Variants in CNTNAP2 observed in about 807,000 individuals in gnomAD.
CNTNAP2 encodes contactin-associated protein-like 2.
In CNTNAP2, 98 loss-of-function variants were observed where a neutral mutation model predicts 155.2. The ratio of observed to expected loss-of-function variants is 0.63; its 90% CI spans 0.54 to 0.75. The LOEUF (loss-of-function observed/expected upper bound fraction) is 0.75. Among genes scored for constraint, CNTNAP2 ranks in the 30% least tolerant of loss-of-function variants. The probability of loss-of-function intolerance (pLI) is 0.00; values close to 1 mark genes in which losing one functional copy is unlikely to be tolerated. For missense variants in CNTNAP2, 1,727 were observed against 1,688.1 expected (o/e 1.02, Z -0.40); for synonymous variants, 651 against 631.2 (o/e 1.03, Z -0.47).
At chr7:148,413,965 G>C (rs1799914956) in intron 23 of CNTNAP2, among the ~76,000 whole-genome samples, 1 of 151,888 alleles carries the variant, frequency 6.6e-6, no homozygotes, top group Non-Finnish European at 1.5e-5. Flanking sequence ...TCATATAGTA[G>C]GCATCTTTTT....
At chr7:146,321,911 T>A (rs1198066977) in intron 1 of CNTNAP2, among the ~76,000 whole-genome samples, 8 of 152,164 alleles carry the variant, frequency 5.3e-5, no homozygotes, top group Admixed American at 4.6e-4. Context: ...CAATTTTACA[T>A]GAGATCTGAA....
chr7:146,444,960 A>G (rs1718096), intron 1 of CNTNAP2, among the ~76,000 whole-genome samples: 5,408 of 152,036 alleles, frequency 0.036, 342 homozygotes, highest in African/African-American at 0.12. Flanking sequence ...CGAGACACAT[A>G]AGCCACCACG....
chr7:147,457,819 A>G (rs987366851), intron 10 of CNTNAP2, among the ~76,000 whole-genome samples: 2 of 140,348 alleles, frequency 1.4e-5, no homozygotes, highest in Non-Finnish European at 3.0e-5. Flanking sequence ...TCTATGCTAC[A>G]TAGTTTATTT....
intron 15 of CNTNAP2, among the ~76,000 whole-genome samples, chr7:148,035,131 C>T (rs1299661656): frequency 6.6e-6 from 1 of 152,152 alleles, no homozygotes; most frequent in African/African-American, 2.4e-5. Context: ...AAAGACAGAA[C>T]TTATAATTAA....
chr7:148,080,923 T>A (rs1457132375), intron 15 of CNTNAP2, among the ~76,000 whole-genome samples: 1 of 152,120 alleles, frequency 6.6e-6, no homozygotes, highest in Non-Finnish European at 1.5e-5. Context: ...CACAAAAATA[T>A]GTATGTGGAT....
intron 1 of CNTNAP2, among the ~76,000 whole-genome samples, chr7:146,684,198 A>G (rs750612921): frequency 6.6e-6 from 1 of 152,166 alleles, no homozygotes; most frequent in Non-Finnish European, 1.5e-5. Context: ...TTTGATTCCC[A>G]GAAGTGGAGA....
intron 1 of CNTNAP2, among the ~76,000 whole-genome samples, chr7:146,605,170 A>T (rs1219826008): frequency 6.6e-6 from 1 of 150,950 alleles, no homozygotes; most frequent in Non-Finnish European, 1.5e-5. Flanking sequence ...TCCTTTCTAA[A>T]CTGAAAGTTC....
At chr7:148,295,473 G>A (rs752315010) in intron 21 of CNTNAP2, among the ~76,000 whole-genome samples, 3 of 151,634 alleles carry the variant, frequency 2.0e-5, no homozygotes, top group Non-Finnish European at 4.4e-5. Flanking sequence ...CACTCATAAT[G>A]ATAGAGTGAA....
chr7:146,851,293 A>G (rs1051126519), intron 3 of CNTNAP2, among the ~76,000 whole-genome samples: 9 of 152,026 alleles, frequency 5.9e-5, no homozygotes, highest in Non-Finnish European at 1.3e-4. Context: ...GCTTTTTTCT[A>G]ATTTTCAATA....
At chr7:146,418,812 G>T (rs896995432) in intron 1 of CNTNAP2, among the ~76,000 whole-genome samples, 22 of 152,018 alleles carry the variant, frequency 1.4e-4, no homozygotes, top group African/African-American at 5.1e-4. Flanking sequence ...GGTCATTAGG[G>T]TTAATCCTAA....
intron 9 of CNTNAP2, among the ~76,000 whole-genome samples, chr7:147,334,581 A>C (rs1795633700): frequency 6.6e-6 from 1 of 152,196 alleles, no homozygotes; most frequent in Admixed American, 6.5e-5. Context: ...TTTTGGAGAC[A>C]AGACTAGAAG....
At chr7:146,556,068 C>T (rs1015659078) in intron 1 of CNTNAP2, among the ~76,000 whole-genome samples, 7 of 152,106 alleles carry the variant, frequency 4.6e-5, no homozygotes, top group East Asian at 1.9e-4. Context: ...TTATCAGCAA[C>T]GTTTATTGGA....
Position 146,409,918 on chromosome 7 carries a change from T to A in CNTNAP2, c.97+292945T>A, listed in dbSNP as rs571221869. 5.1e-4 allele frequency among the ~76,000 whole-genome samples: 77 copies of A among 152,312 alleles called. No homozygotes were observed. The Middle Eastern group carries it at 0.01, about 20-fold the overall frequency. On this transcript the variant is annotated intron_variant, in intron 1 of 23. Transcript: ENST00000361727. ...TATGAAAGCAGGGCAGTGGGGTGGA[T>A]GCAATGACTTTCAAGGTCCTTCTGA...
intron 1 of CNTNAP2, among the ~76,000 whole-genome samples, chr7:146,548,217 AT>A (rs1405089424): frequency 4.0e-5 from 6 of 151,800 alleles, no homozygotes; most frequent in Non-Finnish European, 7.4e-5. Context: ...AACATGTGGT[AT>A]TTGGTTTTCC....
chr7:146,133,228 T>C (rs544534450), intron 1 of CNTNAP2, among the ~76,000 whole-genome samples: 1 of 152,324 alleles, frequency 6.6e-6, no homozygotes, highest in East Asian at 1.9e-4. Context: ...GAAGTGTCTG[T>C]TCATGTCCTT....
intron 1 of CNTNAP2, among the ~76,000 whole-genome samples, chr7:146,615,145 C>T (rs1160065660): frequency 2.0e-5 from 3 of 152,154 alleles, no homozygotes; most frequent in Non-Finnish European, 2.9e-5. Flanking sequence ...TACTTGATCT[C>T]TTTTAGTCAG....
intron 1 of CNTNAP2, among the ~76,000 whole-genome samples, chr7:146,205,486 A>G (rs1798931617): frequency 6.6e-6 from 1 of 151,904 alleles, no homozygotes; most frequent in Admixed American, 6.6e-5. Flanking sequence ...ATAGTGCCCC[A>G]TTACTTCTTT....
chr7:146,355,756 A>G (rs1289618067), intron 1 of CNTNAP2, among the ~76,000 whole-genome samples: 1 of 152,114 alleles, frequency 6.6e-6, no homozygotes, highest in Non-Finnish European at 1.5e-5. Flanking sequence ...TGTCTTGTTC[A>G]AGTAGTTTTA....
rs548191083 is a variant in CNTNAP2, at chr7:148,042,061, C to T, written c.2383+64072C>T. On this transcript the variant is annotated intron_variant, in intron 15 of 23. Transcript: ENST00000361727. The stretch of plus-strand genomic sequence containing the variant: ...GGTCAGCTGAAGTTACAGAAGGCCA[C>T]GATGCCAGCACAGCTGCTGCCTACT... Among the ~76,000 whole-genome samples, 8 of 152,228 alleles carry T rather than the reference C, an allele frequency of 5.3e-5. No individual in the cohort carries two copies. In the South Asian group the frequency reaches 1.5e-3, roughly 28 times the overall value.
Sources: allele counts gnomAD v4.1 joint callset (sites outside exome capture counted in the v4.1 genomes callset), GRCh38; gene constraint gnomAD v4.1.1; transcripts MANE v1.5; gene names NCBI Gene and HGNC (gene_info 2026-07-23, HGNC 2026-07-21).